Variants in SLC39A11 observed in about 807,000 individuals in gnomAD.
SLC39A11 encodes the protein zinc transporter ZIP11.
SLC39A11 carries 33 observed loss-of-function variants against 36.1 expected under a neutral mutation model. The ratio of observed to expected loss-of-function variants is 0.91; its 90% CI spans 0.69 to 1.22. SLC39A11 has a LOEUF of 1.22. SLC39A11 is among the 50% of genes most tolerant of loss of function. The probability of loss-of-function intolerance (pLI) is 0.00; values close to 1 mark genes in which losing one functional copy is unlikely to be tolerated. For missense variants in SLC39A11, 432 were observed against 430.3 expected (o/e 1.00, Z -0.03); for synonymous variants, 166 against 170.3 (o/e 0.97, Z 0.20).
chr17:72,860,040 G>C (rs2079888514), intron 5 of SLC39A11, among the ~76,000 whole-genome samples: 1 of 134,352 alleles, frequency 7.4e-6, no homozygotes, highest in Admixed American at 7.4e-5. Context: ...GGGAGGGGAG[G>C]GGAGGAAGGA....
intron 3 of SLC39A11, among the ~76,000 whole-genome samples, chr17:73,035,365 T>C (rs2058869873): frequency 6.6e-6 from 1 of 152,094 alleles, no homozygotes; most frequent in African/African-American, 2.4e-5. Context: ...GGCCTCGAAC[T>C]CCTGGCCTCA....
At chr17:72,841,420 T>C (rs1252035348) in intron 6 of SLC39A11, among the ~76,000 whole-genome samples, 1 of 152,184 alleles carries the variant, frequency 6.6e-6, no homozygotes, top group Non-Finnish European at 1.5e-5. Context: ...CTGGAGGTTA[T>C]TATGTGAAGT....
chr17:72,912,333 C>T (rs1044129042), intron 5 of SLC39A11, among the ~76,000 whole-genome samples: 2 of 151,972 alleles, frequency 1.3e-5, no homozygotes, highest in Non-Finnish European at 2.9e-5. Context: ...AGAAGCCACA[C>T]ACAGAAGACC....
intron 7 of SLC39A11, among the ~76,000 whole-genome samples, chr17:72,735,457 T>TA (rs374270748): frequency 1.3e-3 from 191 of 152,262 alleles, no homozygotes; most frequent in African/African-American, 4.4e-3. Flanking sequence ...GGAGTGCTAT[T>TA]TCCTTGGGGG....
intron 5 of SLC39A11, among the ~76,000 whole-genome samples, chr17:72,854,753 C>T (rs1269331347): frequency 6.6e-6 from 1 of 152,176 alleles, no homozygotes; most frequent in African/African-American, 2.4e-5. Flanking sequence ...TCTCATCCTT[C>T]CCACTCCATC....
chr17:72,902,100 C>T (rs1010095001), intron 5 of SLC39A11, among the ~76,000 whole-genome samples: 2 of 151,892 alleles, frequency 1.3e-5, no homozygotes, highest in Admixed American at 6.6e-5. Flanking sequence ...GGTAAAACCC[C>T]GTCTCTACTA....
At position 72,838,109 on chromosome 17, in the gene SLC39A11, C is replaced by T. The variant is rs2078646749; in HGVS notation, c.601+11525G>A. The T allele has an allele frequency of 6.1e-6, 3 of 489,018 alleles. No individual in the cohort carries two copies. The Admixed American group carries it at 1.3e-4, about 21-fold the overall frequency. The allele number at this position is 489,018 out of a possible 1,614,324, so 30.3% of individuals were successfully genotyped here. A position where few individuals can be genotyped will look rare whatever the true frequency, so the allele number is the denominator to read the frequency against. ...GGCCACCCTGGCCAACACAGCAACA[C>T]CCTTGTCTCTACTGGAAGAAAAAAA... is the stretch of plus-strand genomic sequence containing the variant. On this transcript the variant is annotated intron_variant, in intron 6 of 9. Coordinates refer to ENST00000255559, the MANE Select transcript of SLC39A11 (RefSeq NM_139177.4).
chr17:73,006,713 C>G (rs568519421), intron 4 of SLC39A11, among the ~76,000 whole-genome samples: 10 of 152,142 alleles, frequency 6.6e-5, no homozygotes, highest in Admixed American at 2.6e-4. Flanking sequence ...TTATCAGGAA[C>G]ACAAAGACCC....
chr17:73,008,570 T>C (rs546093624), intron 4 of SLC39A11, among the ~76,000 whole-genome samples: 14 of 152,144 alleles, frequency 9.2e-5, no homozygotes, highest in Admixed American at 6.5e-5. Context: ...CTCCTGATTA[T>C]AGGGACACCA....
At chr17:72,754,290 T>C (rs1713244578) in intron 6 of SLC39A11, among the ~76,000 whole-genome samples, 1 of 151,830 alleles carries the variant, frequency 6.6e-6, no homozygotes, top group African/African-American at 2.4e-5. Context: ...TTCGGGGACT[T>C]GGGAAAGGGT....
At chr17:72,796,314 A>G (rs1010112031) in intron 6 of SLC39A11, among the ~76,000 whole-genome samples, 1 of 151,874 alleles carries the variant, frequency 6.6e-6, no homozygotes, top group African/African-American at 2.4e-5. Flanking sequence ...AAATCCACAC[A>G]CTCCCATCAA....
intron 7 of SLC39A11, among the ~76,000 whole-genome samples, chr17:72,696,547 G>A (rs562348116): frequency 5.7e-4 from 87 of 152,082 alleles, no homozygotes; most frequent in African/African-American, 1.6e-3. Context: ...TTCCCATCTC[G>A]CTCAAAAGCG....
At chr17:72,874,615 C>G (rs1433201525) in intron 5 of SLC39A11, among the ~76,000 whole-genome samples, 1 of 152,218 alleles carries the variant, frequency 6.6e-6, no homozygotes, top group Admixed American at 6.5e-5. Context: ...AAAGAAAATG[C>G]AGGTTCCTGT....
intron 3 of SLC39A11, among the ~76,000 whole-genome samples, chr17:73,041,587 G>C (rs2059114504): frequency 6.6e-6 from 1 of 152,382 alleles, no homozygotes; most frequent in East Asian, 1.9e-4. Flanking sequence ...GAGAAAAAGT[G>C]ATAGTTTATG....
rs144512695 is a variant in SLC39A11, at chr17:72,766,937, C to T, written c.602-30218G>A. Among the ~76,000 whole-genome samples the T allele has an allele frequency of 2.9e-4, 44 of 152,276 alleles. No individual in the cohort carries two copies. In the East Asian group the frequency reaches 8.3e-3, roughly 29 times the overall value. ...GCCAGCCCCAAGATAACCTCCCCTC[C>T]AGCTGGAGAGATGTCACCCTCAAGA... is the stretch of plus-strand genomic sequence containing the variant. On this transcript the variant is annotated intron_variant, in intron 6 of 9. Coordinates refer to ENST00000255559, the MANE Select transcript of SLC39A11 (RefSeq NM_139177.4).
intron 5 of SLC39A11, among the ~76,000 whole-genome samples, chr17:72,905,536 G>A (rs2082614369): frequency 7.9e-5 from 12 of 151,756 alleles, no homozygotes. Flanking sequence ...GACGGAGGTT[G>A]CAGTAAGCCA....
chr17:73,079,259 A>G (rs911297742), intron 3 of SLC39A11, among the ~76,000 whole-genome samples: 3 of 151,942 alleles, frequency 2.0e-5, no homozygotes, highest in African/African-American at 7.2e-5. Context: ...CACCATGCCC[A>G]GCTAACTTTG....
intron 4 of SLC39A11, among the ~76,000 whole-genome samples, chr17:73,000,067 TTC>T (rs1568097616): frequency 6.6e-6 from 1 of 152,062 alleles, no homozygotes; most frequent in Non-Finnish European, 1.5e-5. Flanking sequence ...CTGAACCCCT[TTC>T]TGTGTCTAGG....
Position 72,742,538 on chromosome 17 carries a change from T to TG in SLC39A11, c.602-5820dup, listed in dbSNP as rs1385136279. Among the ~76,000 whole-genome samples, 5 of 152,276 alleles carry TG rather than the reference T, an allele frequency of 3.3e-5. No homozygotes were observed. The East Asian group carries it at 9.7e-4, about 29-fold the overall frequency. ...GGCACAGATCTTCACCAGGGATCCT[T>TG]GGGGAGAAACCAAGCAAACTATTTC... is the stretch of plus-strand genomic sequence containing the variant. On this transcript the variant is annotated intron_variant, in intron 6 of 9. Coordinates refer to ENST00000255559, the MANE Select transcript of SLC39A11 (RefSeq NM_139177.4).
Sources: allele counts gnomAD v4.1 joint callset (sites outside exome capture counted in the v4.1 genomes callset), GRCh38; gene constraint gnomAD v4.1.1; transcripts MANE v1.5; gene names NCBI Gene and HGNC (gene_info 2026-07-23, HGNC 2026-07-21).